LMCD1: variants seen among roughly 807,000 people sequenced by gnomAD.
The protein encoded by LMCD1 is LIM and cysteine-rich domains protein 1.
Under a neutral mutation model 42.7 loss-of-function variants are expected in LMCD1, and 32 were observed. That is an observed-to-expected ratio of 0.75 (90% CI 0.57 to 1.01). The LOEUF (loss-of-function observed/expected upper bound fraction) is 1.01. LMCD1 is among the 50% of genes least tolerant of loss of function. The probability of loss-of-function intolerance (pLI) is 0.00; values close to 1 mark genes in which losing one functional copy is unlikely to be tolerated. For synonymous variants in LMCD1, 178 were observed against 184.9 expected (o/e 0.96, Z 0.30); for missense variants, 458 against 483.1 (o/e 0.95, Z 0.49).
At chr3:8,554,978 C>T (rs1006928049) in intron 4 of LMCD1, among the ~76,000 whole-genome samples, 2 of 152,166 alleles carry the variant, frequency 1.3e-5, no homozygotes, top group African/African-American at 4.8e-5. Context: ...CCAACCACTC[C>T]TTCCTCAGGC....
intron 3 of LMCD1, among the ~76,000 whole-genome samples, chr3:8,538,582 ACC>A (rs1694555372): frequency 6.6e-6 from 1 of 152,174 alleles, no homozygotes; most frequent in Non-Finnish European, 1.5e-5. Context: ...GCTAGAACAC[ACC>A]AAGCTCCTGC....
intron 1 of LMCD1, among the ~76,000 whole-genome samples, chr3:8,503,081 C>T (rs1221475817): frequency 6.6e-6 from 1 of 152,182 alleles, no homozygotes; most frequent in African/African-American, 2.4e-5. Flanking sequence ...GCAGTGGTAG[C>T]AGGGATACTG....
chr3:8,528,207 T>C (rs895338672), intron 1 of LMCD1, among the ~76,000 whole-genome samples: 1 of 152,174 alleles, frequency 6.6e-6, no homozygotes, highest in Non-Finnish European at 1.5e-5. Flanking sequence ...GAGTTTTAAG[T>C]ACTTTTCTAG....
In LMCD1 at chr3:8,556,091, G is replaced by A. The variant is rs188044590; in HGVS notation, c.723+7188G>A. On this transcript the variant is annotated intron_variant, in intron 4 of 5. Transcript: ENST00000157600. The stretch of plus-strand genomic sequence containing the variant: ...TTGCTAATATGAGCTAAATGATGAC[G>A]ATGATGATGATGCTGTCATCTCCCA... Among the ~76,000 whole-genome samples, 21 of 152,222 alleles carry A rather than the reference G, an allele frequency of 1.4e-4. No individual in the cohort carries two copies. In the East Asian group the frequency reaches 3.9e-3, roughly 28 times the overall value.
intron 1 of LMCD1, among the ~76,000 whole-genome samples, chr3:8,508,094 A>G (rs1435341977): frequency 6.6e-6 from 1 of 152,214 alleles, no homozygotes; most frequent in Non-Finnish European, 1.5e-5. Flanking sequence ...CTGGTTTTCC[A>G]GAAGGCTAAT....
chr3:8,568,737 C>T lies in LMCD1; in HGVS notation c.*1139C>T, dbSNP rs1378458094. The T allele has an allele frequency of 1.3e-5, 2 of 152,154 alleles. No individual in the cohort carries two copies. The highest frequency in any genetic ancestry group is 2.9e-5 in the Non-Finnish European group (2 of 68,018). 9.4% of individuals were successfully genotyped at this position (152,154 alleles called of 1,614,324 possible). A position where few individuals can be genotyped will look rare whatever the true frequency, so the allele number is the denominator to read the frequency against. On this transcript the variant is annotated 3_prime_UTR_variant, in exon 6 of 6. Transcript: ENST00000157600. ...ATGGTCTCTCTGAACATTTTCAGCT[C>T]TTAAATTAATTTCTTTCCCACAGTT... is the stretch of plus-strand genomic sequence containing the variant.
chr3:8,520,089 T>C (rs1240636642), intron 1 of LMCD1, among the ~76,000 whole-genome samples: 1 of 152,178 alleles, frequency 6.6e-6, no homozygotes, highest in Non-Finnish European at 1.5e-5. Flanking sequence ...GATACTAAGA[T>C]TCAGACAGGC....
chr3:8,538,552 T>A (rs533214952), intron 3 of LMCD1, among the ~76,000 whole-genome samples: 1 of 152,138 alleles, frequency 6.6e-6, no homozygotes, highest in South Asian at 2.1e-4. Context: ...CTTAAGACAC[T>A]CTGACTTCCT....
At chr3:8,538,346 G>A (rs1477225226) in intron 3 of LMCD1, among the ~76,000 whole-genome samples, 1 of 152,194 alleles carries the variant, frequency 6.6e-6, no homozygotes, top group Non-Finnish European at 1.5e-5. Context: ...CTTACATGTG[G>A]AGTAACAAGA....
chr3:8,563,947 C>T (rs1446564901), intron 4 of LMCD1, among the ~76,000 whole-genome samples: 3 of 152,154 alleles, frequency 2.0e-5, no homozygotes, highest in East Asian at 1.9e-4. Context: ...AACACCTGAC[C>T]AGTACTCCTC....
At chr3:8,561,488 G>A (rs1559357985) in intron 4 of LMCD1, among the ~76,000 whole-genome samples, 1 of 151,910 alleles carries the variant, frequency 6.6e-6, no homozygotes, top group African/African-American at 2.4e-5. Flanking sequence ...GTAAAATCCA[G>A]TCTTCATTCT....
chr3:8,502,105 AAAACAAATAGTTGGGAAT>A, intron 1 of LMCD1, 125 bp downstream of exon 1: 1 of 784,426 alleles, frequency 1.3e-6, no homozygotes, highest in Non-Finnish European at 2.0e-6. Flanking sequence ...AACTGCATGG[AAAACAAATAGTTGGGAAT>A]ACATGTTTGA....
chr3:8,558,584 C>G (rs930841217), intron 4 of LMCD1, among the ~76,000 whole-genome samples: 6 of 152,192 alleles, frequency 3.9e-5, no homozygotes, highest in Admixed American at 3.3e-4. Context: ...GGAACATGAA[C>G]AAGAAACAAC....
rs1695108209 is a variant in LMCD1 at position 8,565,328 on chromosome 3, C to T, written c.724-104C>T. The T allele has an allele frequency of 4.0e-6, 4 of 998,794 alleles. No individual in the cohort carries two copies. In the East Asian group the frequency reaches 7.2e-5, roughly 18 times the overall value. 61.9% of individuals were successfully genotyped at this position (998,794 alleles called of 1,614,324 possible). On this transcript the variant is annotated intron_variant, in intron 4 of 5. Transcript: ENST00000157600. ...GGCACGAAGAGGTATAGTGACTTGC[C>T]CAAGGTCACCCAGGAAGTAGAAAGG...
At chr3:8,511,604 C>G (rs1249009145) in intron 1 of LMCD1, among the ~76,000 whole-genome samples, 1 of 152,180 alleles carries the variant, frequency 6.6e-6, no homozygotes, top group South Asian at 2.1e-4. Flanking sequence ...GATGAATGAG[C>G]TGTTAGGATC....
rs550414786 is a variant in LMCD1, at chr3:8,537,154, A to C, written c.132-31A>C. On this transcript the variant is annotated intron_variant, in intron 2 of 5. Transcript: ENST00000157600. The stretch of plus-strand genomic sequence containing the variant: ...ATGTGCCTCTTTTTCCTGGAGGTTA[A>C]TCTCACTGGTCCCCATCCACCCACC... 3 of 1,602,760 alleles carry C rather than the reference A, an allele frequency of 1.9e-6. No individual in the cohort carries two copies. The Admixed American group carries it at 5.0e-5, about 27-fold the overall frequency.
At chr3:8,519,789 G>T (rs1284912027) in intron 1 of LMCD1, among the ~76,000 whole-genome samples, 1 of 151,606 alleles carries the variant, frequency 6.6e-6, no homozygotes, top group African/African-American at 2.4e-5. Flanking sequence ...TTATAAGAAG[G>T]ATGCTTGTTT....
At chr3:8,547,113 T>C (rs573162642) in intron 3 of LMCD1, among the ~76,000 whole-genome samples, 1 of 152,314 alleles carries the variant, frequency 6.6e-6, no homozygotes, top group East Asian at 1.9e-4. Context: ...AAAACTACAG[T>C]GTTCCTTGGA....
chr3:8,540,500 C>T (rs777501122), intron 3 of LMCD1, among the ~76,000 whole-genome samples: 1 of 152,210 alleles, frequency 6.6e-6, no homozygotes, highest in Non-Finnish European at 1.5e-5. Flanking sequence ...TGTCCCACAG[C>T]CGATGTAAGT....
Sources: allele counts gnomAD v4.1 joint callset (sites outside exome capture counted in the v4.1 genomes callset), GRCh38; gene constraint gnomAD v4.1.1; transcripts MANE v1.5; gene names NCBI Gene and HGNC (gene_info 2026-07-23, HGNC 2026-07-21).